CRIM1: variants seen among roughly 807,000 people sequenced by gnomAD.
CRIM1 encodes the protein cysteine rich transmembrane BMP regulator 1.
CRIM1 carries 32 observed loss-of-function variants against 116.4 expected under a neutral mutation model. The ratio of observed to expected loss-of-function variants is 0.27; its 90% CI spans 0.21 to 0.37. The LOEUF (loss-of-function observed/expected upper bound fraction) is 0.37, where lower values mean the gene tolerates loss of function less well. Ranked by LOEUF, CRIM1 falls within the 10% of genes least tolerant of loss-of-function variation. CRIM1 has a pLI of 1.00. For missense variants in CRIM1, 1,331 were observed against 1,354.8 expected (o/e 0.98, Z 0.28); for synonymous variants, 590 against 509.2 (o/e 1.16, Z -2.13).
At chr2:36,508,283 C>T (rs3770834) in intron 8 of CRIM1, among the ~76,000 whole-genome samples, 113,126 of 152,144 alleles carry the variant, frequency 0.74, 42,178 homozygotes, top group Middle Eastern at 0.76. Flanking sequence ...CATTTTCCTT[C>T]TTAAAAGATA....
chr2:36,545,928 A>G (rs3755196), intron 15 of CRIM1, among the ~76,000 whole-genome samples: 45,424 of 152,052 alleles, frequency 0.3, 6,977 homozygotes, highest in Middle Eastern at 0.47. Flanking sequence ...ATATGTTTCT[A>G]TAAAGTTTTA....
At chr2:36,519,525 C>T (rs1284212097) in intron 12 of CRIM1, among the ~76,000 whole-genome samples, 1 of 152,214 alleles carries the variant, frequency 6.6e-6, no homozygotes, top group Non-Finnish European at 1.5e-5. Flanking sequence ...CTTCCCATCA[C>T]AGTAATTCTC....
intron 8 of CRIM1, among the ~76,000 whole-genome samples, chr2:36,503,530 C>T (rs1376197712): frequency 2.0e-5 from 3 of 152,072 alleles, no homozygotes; most frequent in African/African-American, 4.8e-5. Flanking sequence ...AAGCCCCCAG[C>T]GTCCCCGCCC....
At chr2:36,517,659 T>C in intron 12 of CRIM1, 117 bp downstream of exon 12, 1 of 961,998 alleles carries the variant, frequency 1.0e-6, no homozygotes, top group Non-Finnish European at 1.5e-6. Flanking sequence ...CCAAACCCAG[T>C]ATCCCATCAG....
intron 13 of CRIM1, among the ~76,000 whole-genome samples, chr2:36,534,189 G>A (rs1666326185): frequency 7.3e-6 from 1 of 137,322 alleles, no homozygotes. Flanking sequence ...GGAGTGGGAA[G>A]GAAGGAGGGA....
Position 36,548,689 on chromosome 2 carries a change from CCAAA to C in CRIM1, c.3102_3105del (p.Thr1035CysfsTer8). The C allele has an allele frequency of 4.4e-6, 7 of 1,589,096 alleles. No individual in the cohort carries two copies. The highest frequency in any genetic ancestry group is 2.7e-5 in the African/African-American group (2 of 73,486). Reference sequence around the variant, plus strand: ...ACCATCTACAGGCAGACAATTTCTACCAAACAGTGTGAAGAAAGGCAACTAGGAT... The same window carrying C: ...ACCATCTACAGGCAGACAATTTCTACCAGTGTGAAGAAAGGCAACTAGGAT... On this transcript the variant is annotated frameshift_variant, in exon 17 of 17. Transcript: ENST00000280527. LOFTEE classifies it high-confidence loss of function.
chr2:36,503,705 T>C (rs1273477581), intron 8 of CRIM1, among the ~76,000 whole-genome samples: 1 of 152,222 alleles, frequency 6.6e-6, no homozygotes, highest in Admixed American at 6.5e-5. Context: ...AACTATGGAA[T>C]AATAGGTTGT....
At position 36,550,404 on chromosome 2, in the gene CRIM1, TGA is replaced by T. The variant is rs1477344982; in HGVS notation, c.*1705_*1706del. 6.6e-6 allele frequency: 1 copy of T among 152,460 alleles called. No individual in the cohort carries two copies. The highest frequency in any genetic ancestry group is 1.9e-4 in the East Asian group (1 of 5,196). 9.4% of individuals were successfully genotyped at this position (152,460 alleles called of 1,614,324 possible). ...TATACTAATTAACCCATTTGTGCATTGAGTTTTCTTTTAAAAATGCTTGTTGT... is the reference window on the plus strand; with the variant it reads ...TATACTAATTAACCCATTTGTGCATTGTTTTCTTTTAAAAATGCTTGTTGT... On this transcript the variant is annotated 3_prime_UTR_variant, in exon 17 of 17. Coordinates refer to ENST00000280527, the MANE Select transcript of CRIM1 (RefSeq NM_016441.3).
At chr2:36,439,795 A>G (rs1558585638) in intron 2 of CRIM1, among the ~76,000 whole-genome samples, 1 of 152,128 alleles carries the variant, frequency 6.6e-6, no homozygotes, top group Non-Finnish European at 1.5e-5. Flanking sequence ...CTCATAGCAC[A>G]TATCACCCTT....
intron 2 of CRIM1, among the ~76,000 whole-genome samples, chr2:36,436,254 A>C (rs1425960833): frequency 1.3e-5 from 2 of 152,152 alleles, no homozygotes; most frequent in East Asian, 3.9e-4. Context: ...TACTACATTT[A>C]AGTGACAAGC....
At position 36,397,967 on chromosome 2, in the gene CRIM1, G is replaced by T. The variant is rs187043142; in HGVS notation, c.505+1180G>T. ...ACTAATCACACCAAGTATTCTTCCT[G>T]TCACATCATGACTTAAACAATGCCA... On this transcript the variant is annotated intron_variant, in intron 2 of 16. Coordinates refer to ENST00000280527, the MANE Select transcript of CRIM1 (RefSeq NM_016441.3). 2.6e-5 allele frequency among the ~76,000 whole-genome samples: 4 copies of T among 152,122 alleles called. No homozygotes were observed. In the East Asian group the frequency reaches 5.8e-4, roughly 22 times the overall value.
intron 15 of CRIM1, among the ~76,000 whole-genome samples, chr2:36,545,222 G>A (rs1667234297): frequency 6.6e-6 from 1 of 152,154 alleles, no homozygotes; most frequent in Non-Finnish European, 1.5e-5. Flanking sequence ...TTCATTGCTT[G>A]AGAGAGATTA....
At chr2:36,466,700 G>T (rs1041624808) in intron 5 of CRIM1, among the ~76,000 whole-genome samples, 3 of 152,212 alleles carry the variant, frequency 2.0e-5, no homozygotes, top group Admixed American at 2.0e-4. Flanking sequence ...CCCAGATTTT[G>T]TTGCATGAGC....
chr2:36,448,221 TTGA>T (rs1473578288), intron 4 of CRIM1, among the ~76,000 whole-genome samples: 1 of 152,272 alleles, frequency 6.6e-6, no homozygotes, highest in Non-Finnish European at 1.5e-5. Context: ...TGCAAAGATG[TTGA>T]ATAGAGATTC....
At chr2:36,382,725 C>T (rs1470275653) in intron 1 of CRIM1, among the ~76,000 whole-genome samples, 1 of 152,242 alleles carries the variant, frequency 6.6e-6, no homozygotes, top group African/African-American at 2.4e-5. Context: ...TCAAGGGGTG[C>T]ATCTTCTGGT....
At chr2:36,360,217 T>C (rs969275874) in intron 1 of CRIM1, among the ~76,000 whole-genome samples, 3 of 152,196 alleles carry the variant, frequency 2.0e-5, no homozygotes, top group African/African-American at 7.2e-5. Context: ...CCAGCCTCTC[T>C]GGGCAGTTAA....
chr2:36,459,097 T>C (rs1159083308), intron 4 of CRIM1, among the ~76,000 whole-genome samples: 1 of 152,210 alleles, frequency 6.6e-6, no homozygotes, highest in African/African-American at 2.4e-5. Context: ...TTTTTGTTTT[T>C]TTTTAGTGGA....
chr2:36,529,134 TTC>T (rs1291510222), intron 13 of CRIM1: 2 of 471,222 alleles, frequency 4.2e-6, no homozygotes, highest in Admixed American at 4.7e-5. Flanking sequence ...GTATCTGCCT[TTC>T]TCTTATTTTG....
intron 4 of CRIM1, among the ~76,000 whole-genome samples, chr2:36,449,736 G>C (rs1285523037): frequency 6.6e-6 from 1 of 152,018 alleles, no homozygotes; most frequent in Non-Finnish European, 1.5e-5. Context: ...GGGAAACAAA[G>C]GTAAAGAAAA....
Sources: gnomAD v4.1 joint callset for allele counts (sites outside exome capture counted in the v4.1 genomes callset) on GRCh38, gnomAD v4.1.1 for gene constraint, MANE v1.5 for transcripts, NCBI Gene and HGNC (gene_info 2026-07-23, HGNC 2026-07-21) for gene names.